Variants in EGLN1 observed in about 807,000 individuals in gnomAD.
EGLN1 encodes egl-9 family hypoxia inducible factor 1, also known as egl nine homolog 1.
In EGLN1, 17 loss-of-function variants were observed where a neutral mutation model predicts 38.3. The ratio of observed to expected loss-of-function variants is 0.44; its 90% CI spans 0.30 to 0.67. The LOEUF is 0.67. Ranked by LOEUF, EGLN1 falls within the 30% of genes least tolerant of loss-of-function variation. The pLI is 0.08. For synonymous variants in EGLN1, 283 were observed against 257.5 expected (o/e 1.10, Z -0.95); for missense variants, 477 against 603.3 (o/e 0.79, Z 2.19).
At chr1:231,414,940 GC>G (rs1317285045) in intron 1 of EGLN1, among the ~76,000 whole-genome samples, 2 of 151,782 alleles carry the variant, frequency 1.3e-5, no homozygotes, top group African/African-American at 4.8e-5. Context: ...TCACCACGTT[GC>G]CCCCTGGTCT....
intron 1 of EGLN1, among the ~76,000 whole-genome samples, chr1:231,378,526 G>A (rs1303097230): frequency 6.6e-6 from 1 of 152,124 alleles, no homozygotes; most frequent in Non-Finnish European, 1.5e-5. Context: ...CCCCTCCTGG[G>A]CTCAAGCAAT....
chr1:231,386,035 C>G (rs1411386408), intron 1 of EGLN1, among the ~76,000 whole-genome samples: 1 of 151,782 alleles, frequency 6.6e-6, no homozygotes, highest in Non-Finnish European at 1.5e-5. Context: ...CAGCTGGCCT[C>G]GGACTTCTGG....
intron 1 of EGLN1, among the ~76,000 whole-genome samples, chr1:231,384,744 G>C (rs960741865): frequency 6.6e-6 from 1 of 152,224 alleles, no homozygotes; most frequent in Non-Finnish European, 1.5e-5. Flanking sequence ...ATGTAGAGCA[G>C]GGGCTGGCAG....
chr1:231,384,864 A>C (rs1239259210), intron 1 of EGLN1, among the ~76,000 whole-genome samples: 2 of 152,230 alleles, frequency 1.3e-5, no homozygotes, highest in African/African-American at 4.8e-5. Context: ...CCGGTCTAGC[A>C]GCTATGACAG....
intron 1 of EGLN1, among the ~76,000 whole-genome samples, chr1:231,384,548 AGGTGGCAATGG>A (rs1402005347): frequency 6.6e-6 from 1 of 152,240 alleles, no homozygotes; most frequent in Admixed American, 6.5e-5. Flanking sequence ...GCAAAGAATC[AGGTGGCAATGG>A]GCCTGGCATA....
At chr1:231,409,241 TAAA>T (rs68152109) in intron 1 of EGLN1, among the ~76,000 whole-genome samples, 4 of 120,738 alleles carry the variant, frequency 3.3e-5, no homozygotes, top group African/African-American at 6.0e-5. Flanking sequence ...CCTAATTTCT[TAAA>T]AAAAAAAAAA....
chr1:231,396,621 A>G (rs1043734439), intron 1 of EGLN1, among the ~76,000 whole-genome samples: 8 of 152,154 alleles, frequency 5.3e-5, no homozygotes, highest in African/African-American at 1.9e-4. Context: ...ATTACATTCA[A>G]TCTCATGCCC....
chr1:231,406,374 T>A (rs1201451463), intron 1 of EGLN1, among the ~76,000 whole-genome samples: 1 of 152,054 alleles, frequency 6.6e-6, no homozygotes, highest in African/African-American at 2.4e-5. Context: ...TCTAGAATTC[T>A]AAAGCAAGAA....
rs1378922732 is a variant in EGLN1, at chr1:231,364,996, T to C, written c.*1415A>G. 1 of 152,204 alleles carries C rather than the reference T, an allele frequency of 6.6e-6. No homozygotes were observed. Among genetic ancestry groups the C allele is most frequent in the Non-Finnish European group, 1.5e-5 (1 of 68,020 alleles). 9.4% of individuals were successfully genotyped at this position (152,204 alleles called of 1,614,324 possible). ...AAATAAGAAAACCCATGAAACAAAA[T>C]AAAATTATCTGATTTTGCATCTGTT... On this transcript the variant is annotated 3_prime_UTR_variant, in exon 5 of 5. Transcript: ENST00000366641.
At chr1:231,411,936 T>G (rs1252745969) in intron 1 of EGLN1, among the ~76,000 whole-genome samples, 1 of 136,238 alleles carries the variant, frequency 7.3e-6, no homozygotes, top group Non-Finnish European at 1.5e-5. Context: ...AAGGCAGAGG[T>G]TGCAGGCAGA....
Position 231,421,711 on chromosome 1 carries a change from C to T in EGLN1, c.178G>A (p.Gly60Ser). ...DWKKHKLVCQ[G>S]SEGALGHGVG... is the part of the protein sequence containing the mutation. Reference sequence around the variant, plus strand: ...CCGTGGCCGAGGGCGCCCTCGCTGCCCTGGCACACGAGCTTGTGCTTCTTC... The same window carrying T: ...CCGTGGCCGAGGGCGCCCTCGCTGCTCTGGCACACGAGCTTGTGCTTCTTC... Residue 60 changes from glycine to serine, a missense_variant, in exon 1 of 5, where the codon GGC (glycine) becomes AGC (serine). By Grantham distance (56) the Gly-to-Ser change is moderately conservative (BLOSUM62 0). Transcript: ENST00000366641. The surrounding 1 kb of genome is among the most constrained non-coding windows in gnomAD (Gnocchi z 5.5). 1 of 1,523,828 alleles carries T rather than the reference C, an allele frequency of 6.6e-7. No individual in the cohort carries two copies. The highest frequency in any genetic ancestry group is 2.0e-5 in the Admixed American group (1 of 50,380). 94.4% of individuals were successfully genotyped at this position (1,523,828 alleles called of 1,614,324 possible). A position where few individuals can be genotyped will look rare whatever the true frequency, so the allele number is the denominator to read the frequency against.
intron 1 of EGLN1, among the ~76,000 whole-genome samples, chr1:231,389,375 G>T (rs1688309956): frequency 1.3e-5 from 2 of 152,022 alleles, no homozygotes; most frequent in South Asian, 4.1e-4. Context: ...CCATTTCTGG[G>T]GACACATTAG....
rs976260033 is a variant in EGLN1, at chr1:231,396,857, C to T, written c.892-22758G>A. ...TTAGAACTATCATCCTTGACTCATC[C>T]TTCTCCATTTCCCTTGCCCTACACA... On this transcript the variant is annotated intron_variant, in intron 1 of 4. Transcript: ENST00000366641. Among the ~76,000 whole-genome samples, 29 of 152,272 alleles carry T rather than the reference C, an allele frequency of 1.9e-4. 1 individual carries two copies. The highest frequency in any genetic ancestry group is 4.2e-4 in the South Asian group (2 of 4,818).
chr1:231,371,006 C>T (rs1477466490), intron 2 of EGLN1, among the ~76,000 whole-genome samples: 2 of 152,214 alleles, frequency 1.3e-5, no homozygotes, highest in Non-Finnish European at 2.9e-5. Flanking sequence ...TCTCCTGTCT[C>T]AGCATCGCGA....
intron 1 of EGLN1, among the ~76,000 whole-genome samples, chr1:231,396,573 G>C (rs1264120289): frequency 6.6e-6 from 1 of 152,020 alleles, no homozygotes; most frequent in African/African-American, 2.4e-5. Context: ...TCTGTCATGA[G>C]CAAATACCCT....
rs565776680 is a variant in EGLN1, at chr1:231,413,623, C to T, written c.891+7375G>A. ...TGTTTATTGACTGTCCCTCCCCACC[C>T]CACACTTCCTCCAACTAGAAGATAA... On this transcript the variant is annotated intron_variant, in intron 1 of 4. Transcript: ENST00000366641. Among the ~76,000 whole-genome samples, 4 of 152,212 alleles carry T rather than the reference C, an allele frequency of 2.6e-5. No individual in the cohort carries two copies. The East Asian group carries it at 7.7e-4, about 29-fold the overall frequency.
At chr1:231,399,017 T>C (rs1222581213) in intron 1 of EGLN1, among the ~76,000 whole-genome samples, 5 of 152,210 alleles carry the variant, frequency 3.3e-5, no homozygotes, top group Admixed American at 3.3e-4. Context: ...GTGAAAACTC[T>C]AAAATGCCAA....
chr1:231,420,881 G>A (rs561926566), intron 1 of EGLN1, 117 bp downstream of exon 1: 3 of 1,596,964 alleles, frequency 1.9e-6, no homozygotes, highest in South Asian at 1.1e-5. Flanking sequence ...ACACAAGAAA[G>A]AGCGAGTCCC....
At chr1:231,412,484 T>G (rs1030653294) in intron 1 of EGLN1, among the ~76,000 whole-genome samples, 11 of 152,210 alleles carry the variant, frequency 7.2e-5, no homozygotes, top group African/African-American at 2.7e-4. Flanking sequence ...CGTATATTTC[T>G]TTTTACGTGG....
Sources: gnomAD v4.1 joint callset for allele counts (sites outside exome capture counted in the v4.1 genomes callset) on GRCh38, gnomAD v4.1.1 for gene constraint, Gnocchi (gnomAD v3.1) non-coding constraint, MANE v1.5 for transcripts, NCBI Gene and HGNC (gene_info 2026-07-23, HGNC 2026-07-21) for gene names.